Variants in CHCHD6 observed in about 807,000 individuals in gnomAD.
CHCHD6 encodes the protein coiled-coil-helix-coiled-coil-helix domain containing 6, also known as MICOS complex subunit MIC25.
Under a neutral mutation model 32.3 loss-of-function variants are expected in CHCHD6, and 28 were observed. The ratio of observed to expected loss-of-function variants is 0.87; its 90% CI spans 0.64 to 1.19. The LOEUF (loss-of-function observed/expected upper bound fraction) is 1.19. Among genes scored for constraint, CHCHD6 ranks in the 50% most tolerant of loss-of-function variants. The probability of loss-of-function intolerance (pLI) is 0.00; values close to 1 mark genes in which losing one functional copy is unlikely to be tolerated. For missense variants in CHCHD6, 333 were observed against 307.0 expected (o/e 1.08, Z -0.63); for synonymous variants, 122 against 117.5 (o/e 1.04, Z -0.25).
At position 126,803,071 on chromosome 3, in the gene CHCHD6, C is replaced by T. The variant is rs907776628; in HGVS notation, c.412-49576C>T. 5.3e-5 allele frequency among the ~76,000 whole-genome samples: 8 copies of T among 152,192 alleles called. No individual in the cohort carries two copies. The South Asian group carries it at 6.2e-4, about 12-fold the overall frequency. Reference sequence around the variant, plus strand: ...AAGAGCTCCTGACACAAGCACTAAACGTGGAAAGGAACAACTAGTACCAAC... The same window carrying T: ...AAGAGCTCCTGACACAAGCACTAAATGTGGAAAGGAACAACTAGTACCAAC... On this transcript the variant is annotated intron_variant, in intron 4 of 7. Transcript: ENST00000290913.
intron 5 of CHCHD6, among the ~76,000 whole-genome samples, chr3:126,910,684 C>G (rs773348658): frequency 3.3e-5 from 5 of 152,198 alleles, no homozygotes; most frequent in Admixed American, 6.5e-5. Context: ...CTAGAAACAA[C>G]CTCTGTACAA....
intron 5 of CHCHD6, among the ~76,000 whole-genome samples, chr3:126,858,150 A>G (rs1284335966): frequency 1.3e-5 from 2 of 152,178 alleles, no homozygotes; most frequent in Non-Finnish European, 2.9e-5. Context: ...CTGCTGAGGA[A>G]AGCAGCCGGG....
At chr3:126,909,973 T>C (rs1303278039) in intron 5 of CHCHD6, among the ~76,000 whole-genome samples, 5 of 152,178 alleles carry the variant, frequency 3.3e-5, no homozygotes, top group African/African-American at 1.2e-4. Context: ...GCTGCCAGAA[T>C]GTTCTTTTAA....
intron 4 of CHCHD6, among the ~76,000 whole-genome samples, chr3:126,812,351 A>G (rs191056921): frequency 7.3e-6 from 1 of 137,094 alleles, no homozygotes; most frequent in East Asian, 2.1e-4. Context: ...TATCAATCTC[A>G]TGTTAAAAAT....
intron 6 of CHCHD6, among the ~76,000 whole-genome samples, chr3:126,930,990 T>G (rs892182943): frequency 6.6e-6 from 1 of 152,208 alleles, no homozygotes; most frequent in Non-Finnish European, 1.5e-5. Context: ...GTGTCTACAG[T>G]GAGGTCTTCC....
intron 5 of CHCHD6, among the ~76,000 whole-genome samples, chr3:126,905,450 A>T (rs188976528): frequency 1.2e-4 from 19 of 152,294 alleles, no homozygotes; most frequent in African/African-American, 3.6e-4. Context: ...AGGCTTGGAA[A>T]CAGCAAGGCA....
intron 4 of CHCHD6, among the ~76,000 whole-genome samples, chr3:126,807,698 T>C (rs1939462924): frequency 6.6e-6 from 1 of 152,200 alleles, no homozygotes; most frequent in Non-Finnish European, 1.5e-5. Flanking sequence ...AAAATAGACC[T>C]ATACCAGGAT....
At chr3:126,944,000 A>G (rs1470586434) in intron 6 of CHCHD6, among the ~76,000 whole-genome samples, 2 of 152,268 alleles carry the variant, frequency 1.3e-5, no homozygotes, top group African/African-American at 2.4e-5. Flanking sequence ...AGAAGATAAC[A>G]TAGGAGAAAA....
At chr3:126,773,213 T>C (rs1937574945) in intron 4 of CHCHD6, among the ~76,000 whole-genome samples, 1 of 152,152 alleles carries the variant, frequency 6.6e-6, no homozygotes, top group African/African-American at 2.4e-5. Context: ...ATGGTCTTCT[T>C]GTGTAATGTC....
At position 126,786,889 on chromosome 3, in the gene CHCHD6, A is replaced by T. The variant is rs1198481386; in HGVS notation, c.411+53667A>T. Among the ~76,000 whole-genome samples, 50 of 152,278 alleles carry T rather than the reference A, an allele frequency of 3.3e-4. No homozygotes were observed. In the South Asian group the frequency reaches 8.9e-3, roughly 27 times the overall value. ...ATTGCTTTTGGTGTTTTAGACATGA[A>T]GTCCTTGCCCATGCCTATGTCCTGA... On this transcript the variant is annotated intron_variant, in intron 4 of 7. Transcript: ENST00000290913.
At chr3:126,761,045 C>G (rs1227009255) in intron 4 of CHCHD6, among the ~76,000 whole-genome samples, 2 of 152,180 alleles carry the variant, frequency 1.3e-5, no homozygotes, top group Non-Finnish European at 2.9e-5. Flanking sequence ...GTTGCCCAGG[C>G]TGGTCTCAAC....
At chr3:126,828,262 T>C (rs927694851) in intron 4 of CHCHD6, among the ~76,000 whole-genome samples, 3 of 152,244 alleles carry the variant, frequency 2.0e-5, no homozygotes, top group Non-Finnish European at 4.4e-5. Context: ...AGTGGTGCAC[T>C]TCACATCTTC....
chr3:126,885,446 T>A (rs1332530744), intron 5 of CHCHD6, among the ~76,000 whole-genome samples: 4 of 152,224 alleles, frequency 2.6e-5, no homozygotes, highest in Non-Finnish European at 4.4e-5. Flanking sequence ...AGCTGCACAC[T>A]GGCCTGCACT....
At chr3:126,885,792 A>G (rs142766619) in intron 5 of CHCHD6, among the ~76,000 whole-genome samples, 5 of 152,366 alleles carry the variant, frequency 3.3e-5, no homozygotes, top group Non-Finnish European at 7.3e-5. Context: ...TTTGTATGTC[A>G]TCTTGCCTTG....
chr3:126,723,299 A>G (rs1283807817), intron 1 of CHCHD6, among the ~76,000 whole-genome samples: 1 of 152,148 alleles, frequency 6.6e-6, no homozygotes, highest in Admixed American at 6.5e-5. Context: ...ATTAAGATGC[A>G]AAAGTTCCAA....
intron 4 of CHCHD6, among the ~76,000 whole-genome samples, chr3:126,751,824 C>G (rs1936736665): frequency 6.6e-6 from 1 of 152,146 alleles, no homozygotes; most frequent in Non-Finnish European, 1.5e-5. Context: ...CCTGGATAGT[C>G]ATAAGACTTC....
At chr3:126,784,684 T>C (rs1419803843) in intron 4 of CHCHD6, among the ~76,000 whole-genome samples, 3 of 152,200 alleles carry the variant, frequency 2.0e-5, no homozygotes, top group East Asian at 1.9e-4. Context: ...TGTCAGCAGA[T>C]ACCACTGCCT....
chr3:126,806,923 T>C (rs1033272854), intron 4 of CHCHD6, among the ~76,000 whole-genome samples: 2 of 151,474 alleles, frequency 1.3e-5, no homozygotes, highest in African/African-American at 4.9e-5. Context: ...CTGGAAATCA[T>C]CATTCTCAGT....
At chr3:126,823,904 A>AC (rs1940262263) in intron 4 of CHCHD6, among the ~76,000 whole-genome samples, 1 of 151,228 alleles carries the variant, frequency 6.6e-6, no homozygotes, top group African/African-American at 2.4e-5. Context: ...CAAAAACAAA[A>AC]ACACACACAC....
Sources: allele counts gnomAD v4.1 joint callset (sites outside exome capture counted in the v4.1 genomes callset), GRCh38; gene constraint gnomAD v4.1.1; transcripts MANE v1.5; gene names NCBI Gene and HGNC (gene_info 2026-07-23, HGNC 2026-07-21).